Variants in WWOX observed in about 807,000 individuals in gnomAD.
WWOX encodes WW domain containing oxidoreductase, also known as WW domain-containing oxidoreductase.
A neutral mutation model predicts 46.2 loss-of-function variants in WWOX; 69 were observed. The ratio of observed to expected loss-of-function variants is 1.49; its 90% confidence interval spans 1.23 to 1.82. The LOEUF is 1.82. Among genes scored for constraint, WWOX ranks in the 40% most tolerant of loss-of-function variants. The pLI is 0.00. For synonymous variants in WWOX, 359 were observed against 202.6 expected, an observed-to-expected ratio of 1.77 and a Z score of -6.56; for missense variants, 919 against 542.6, an observed-to-expected ratio of 1.69 and a Z score of -6.89.
intron 8 of WWOX, chr16:78,553,038 A>G (rs1484380237): frequency 6.6e-6 from 1 of 152,258 alleles, no homozygotes; most frequent in Non-Finnish European, 1.5e-5. Context: ...AGAAAACCAA[A>G]TACCGCATGG....
In WWOX at chr16:79,011,988, C is replaced by T. The variant is rs117702520; in HGVS notation, c.1057-199620C>T. Among the ~76,000 whole-genome samples, 1,443 of 152,162 alleles carry T rather than the reference C, an allele frequency of 9.5e-3. 16 individuals are homozygous for T. Among genetic ancestry groups the T allele is most frequent in the Non-Finnish European group, 9.2e-3 (629 of 68,010 alleles). On this transcript the variant is annotated intron_variant, in intron 8 of 8. Transcript: ENST00000566780. ...TTCCTTATCTAGAACTATCTTTTTC[C>T]TCTATTGTTTTGTCCCTCACTTCTG...
In WWOX at chr16:78,527,718, C is replaced by G. The variant is rs547591751; in HGVS notation, c.1056+94966C>G. On this transcript the variant is annotated intron_variant, in intron 8 of 8. Transcript: ENST00000566780. ...TGTTACATTTAATCTTTATGGTAGC[C>G]TCATGAACAGGTTCTTGATCAGGAG... 1.8e-4 allele frequency among the ~76,000 whole-genome samples: 6 copies of G among 33,808 alleles called. No individual in the cohort carries two copies. The East Asian group carries it at 0.012, about 70-fold the overall frequency. 22.2% of individuals were successfully genotyped at this position (33,808 alleles called of 152,430 possible). A position where few individuals can be genotyped will look rare whatever the true frequency, so the allele number is the denominator to read the frequency against.
At chr16:78,591,451 C>G (rs899118401) in intron 8 of WWOX, among the ~76,000 whole-genome samples, 9 of 152,208 alleles carry the variant, frequency 5.9e-5, no homozygotes, top group East Asian at 1.9e-4. Flanking sequence ...ACTTTCCACT[C>G]TCTGCATCCC....
intron 8 of WWOX, among the ~76,000 whole-genome samples, chr16:78,652,135 G>A (rs926070047): frequency 6.6e-6 from 1 of 151,850 alleles, no homozygotes; most frequent in African/African-American, 2.4e-5. Flanking sequence ...TTTGGGGCTG[G>A]GCGTGGTGGC....
chr16:79,056,957 A>G (rs1015115989), intron 8 of WWOX, among the ~76,000 whole-genome samples: 2 of 152,210 alleles, frequency 1.3e-5, no homozygotes, highest in African/African-American at 4.8e-5. Flanking sequence ...GGGACAGGAT[A>G]TTTATTATCT....
intron 8 of WWOX, among the ~76,000 whole-genome samples, chr16:79,093,953 C>G (rs1470089866): frequency 1.3e-5 from 2 of 152,296 alleles, no homozygotes; most frequent in African/African-American, 2.4e-5. Context: ...CCTTCTATCA[C>G]TTAGTACCGT....
intron 5 of WWOX, among the ~76,000 whole-genome samples, chr16:78,201,011 A>G (rs1358576654): frequency 6.6e-6 from 1 of 152,218 alleles, no homozygotes; most frequent in Non-Finnish European, 1.5e-5. Context: ...CTCTCATGGA[A>G]GCAGTTATAA....
rs546521471 is a variant in WWOX, at chr16:78,856,237, C to T, written c.1057-355371C>T. 9.9e-5 allele frequency among the ~76,000 whole-genome samples: 15 copies of T among 152,242 alleles called. No individual in the cohort carries two copies. In the South Asian group the frequency reaches 2.9e-3, roughly 29 times the overall value. On this transcript the variant is annotated intron_variant, in intron 8 of 8. Transcript: ENST00000566780. ...ATGATAAGGATTTAGGCAGGGACTG[C>T]GTTGGAAAGGGCCTTGCAACAGGCC...
chr16:78,160,121 GGGTTATTTTCCTAATGTAATGGATGCTTA>G (rs2151730984), intron 4 of WWOX, among the ~76,000 whole-genome samples: 1 of 151,670 alleles, frequency 6.6e-6, no homozygotes, highest in African/African-American at 2.4e-5. Context: ...TTAATTTGCT[GGGTTATTTTCCTAATGTAATGGATGCTTA>G]GATCATCTTG....
intron 8 of WWOX, among the ~76,000 whole-genome samples, chr16:78,688,190 A>T (rs1328089389): frequency 1.3e-5 from 2 of 152,216 alleles, no homozygotes; most frequent in East Asian, 3.9e-4. Flanking sequence ...CTTATTGTGT[A>T]GATAAAAGTG....
chr16:78,984,412 T>C (rs2046744853), intron 8 of WWOX, among the ~76,000 whole-genome samples: 1 of 152,196 alleles, frequency 6.6e-6, no homozygotes, highest in Non-Finnish European at 1.5e-5. Flanking sequence ...TCATATAGTC[T>C]CTGTTTCAAT....
At chr16:78,326,098 C>T (rs2080607197) in intron 5 of WWOX, among the ~76,000 whole-genome samples, 1 of 152,120 alleles carries the variant, frequency 6.6e-6, no homozygotes, top group South Asian at 2.1e-4. Context: ...AACTCTTGAG[C>T]TCCCCTCCAG....
At chr16:79,139,867 T>C (rs866733879) in intron 8 of WWOX, among the ~76,000 whole-genome samples, 4 of 152,202 alleles carry the variant, frequency 2.6e-5, no homozygotes, top group African/African-American at 9.6e-5. Flanking sequence ...CTGTTACGTG[T>C]TATGGCGCAT....
rs564172434 is a variant in WWOX, at chr16:79,027,029, C to T, written c.1057-184579C>T. Among the ~76,000 whole-genome samples the T allele has an allele frequency of 2.2e-4, 33 of 151,552 alleles. 1 individual carries two copies. Among genetic ancestry groups the T allele is most frequent in the African/African-American group, 7.3e-4 (30 of 41,008 alleles). ...GTACAGTGGCTCATGCCTGTAATCC[C>T]AGCACTTTGGGAGGTCAAGGCAGGA... is the stretch of plus-strand genomic sequence containing the variant. On this transcript the variant is annotated intron_variant, in intron 8 of 8. Coordinates refer to ENST00000566780, the MANE Select transcript of WWOX (RefSeq NM_016373.4).
chr16:78,203,953 A>G (rs2036312633), intron 5 of WWOX, among the ~76,000 whole-genome samples: 1 of 152,170 alleles, frequency 6.6e-6, no homozygotes, highest in Non-Finnish European at 1.5e-5. Flanking sequence ...ATTCTTTCCA[A>G]TTCTGGAGAG....
rs140543153 is a variant in WWOX at position 78,300,310 on chromosome 16, A to G, written c.517-86550A>G. ...GGGTGTTAGTCATATTGTCATCCGT[A>G]TCTGAAGAACCCAGAAGAGTGACCC... On this transcript the variant is annotated intron_variant, in intron 5 of 8. Transcript: ENST00000566780. Among the ~76,000 whole-genome samples the G allele has an allele frequency of 4.5e-3, 687 of 152,308 alleles. 6 individuals carry two copies. Among genetic ancestry groups the G allele is most frequent in the African/African-American group, 0.016 (648 of 41,566 alleles).
intron 8 of WWOX, among the ~76,000 whole-genome samples, chr16:78,987,724 G>T (rs2046808913): frequency 6.6e-6 from 1 of 152,184 alleles, no homozygotes; most frequent in African/African-American, 2.4e-5. Flanking sequence ...GCGCTAATGA[G>T]AGTTGCGATA....
At chr16:78,890,761 A>T (rs1416902930) in intron 8 of WWOX, 1 of 152,208 alleles carries the variant, frequency 6.6e-6, no homozygotes, top group African/African-American at 2.4e-5. Context: ...TTTTTTATCT[A>T]AATGCCAGCC....
chr16:78,549,926 A>C (rs888335059), intron 8 of WWOX, among the ~76,000 whole-genome samples: 33 of 152,274 alleles, frequency 2.2e-4, no homozygotes, highest in South Asian at 2.1e-4. Flanking sequence ...GACTGAGAAA[A>C]AAGAAAGAAA....
Sources: allele counts gnomAD v4.1 joint callset (sites outside exome capture counted in the v4.1 genomes callset), GRCh38; gene constraint gnomAD v4.1.1; transcripts MANE v1.5; gene names NCBI Gene and HGNC (gene_info 2026-07-23, HGNC 2026-07-21).